The following ZFAT variants were observed in gnomAD, a reference collection of about 807,000 sequenced individuals.
ZFAT encodes the protein zinc finger and AT-hook domain containing.
A neutral mutation model predicts 117.7 loss-of-function variants in ZFAT; 64 were observed. The ratio of observed to expected loss-of-function variants is 0.54; its 90% confidence interval spans 0.44 to 0.67. The LOEUF (loss-of-function observed/expected upper bound fraction) is 0.67. ZFAT is among the 30% of genes least tolerant of loss of function. The probability of loss-of-function intolerance (pLI) is 0.00; values close to 1 mark genes in which losing one functional copy is unlikely to be tolerated. For missense variants in ZFAT, 1,433 were observed against 1,584.5 expected (o/e 0.90, Z 1.62); for synonymous variants, 679 against 615.0 (o/e 1.10, Z -1.54).
chr8:134,639,811 C>A (rs1027341682), intron 2 of ZFAT: 1 of 456,080 alleles, frequency 2.2e-6, no homozygotes, highest in Non-Finnish European at 4.4e-6. Flanking sequence ...AAACAGGGTG[C>A]CTAAGAGTTT....
intron 4 of ZFAT, among the ~76,000 whole-genome samples, chr8:134,609,343 C>CA (rs1828145662): frequency 6.6e-6 from 1 of 152,072 alleles, no homozygotes; most frequent in Non-Finnish European, 1.5e-5. Context: ...AAAATACTAC[C>CA]ACTAATTTTT....
intron 15 of ZFAT, among the ~76,000 whole-genome samples, chr8:134,494,410 C>T (rs368408551): frequency 4.6e-5 from 7 of 152,142 alleles, no homozygotes; most frequent in Non-Finnish European, 7.3e-5. Flanking sequence ...AGGATCGATC[C>T]GCTGCCCTTT....
At chr8:134,650,955 T>C (rs183135463) in intron 2 of ZFAT, among the ~76,000 whole-genome samples, 31 of 152,330 alleles carry the variant, frequency 2.0e-4, no homozygotes, top group African/African-American at 7.2e-4. Context: ...TCATCAAAAA[T>C]GCAAACCAAA....
chr8:134,541,670 T>C (rs1481726589), intron 11 of ZFAT, among the ~76,000 whole-genome samples: 1 of 152,042 alleles, frequency 6.6e-6, no homozygotes, highest in Non-Finnish European at 1.5e-5. Context: ...GGGAAGAGAA[T>C]GGAGAATACC....
chr8:134,700,605 T>C (rs1448289450), intron 1 of ZFAT, among the ~76,000 whole-genome samples: 1 of 152,228 alleles, frequency 6.6e-6, no homozygotes, highest in African/African-American at 2.4e-5. Flanking sequence ...ACTGTCGGAC[T>C]CCGGGCTGTG....
At chr8:134,556,273 G>T (rs1229690469) in intron 11 of ZFAT, among the ~76,000 whole-genome samples, 1 of 152,024 alleles carries the variant, frequency 6.6e-6, no homozygotes, top group African/African-American at 2.4e-5. Flanking sequence ...ATAAAAAGAA[G>T]AATTAAAGGG....
the ZFAT span, among the ~76,000 whole-genome samples, chr8:134,830,924 GA>G: frequency 6.6e-6 from 1 of 152,162 alleles, no homozygotes; most frequent in Admixed American, 6.5e-5. Context: ...CATACATGAT[GA>G]CAGTGTAAAA....
chr8:134,608,147 A>T (rs961583716), intron 5 of ZFAT, among the ~76,000 whole-genome samples: 8 of 152,154 alleles, frequency 5.3e-5, no homozygotes, highest in Admixed American at 5.2e-4. Flanking sequence ...GTAAGCTTTT[A>T]AAAAAAAGTT....
the ZFAT span, among the ~76,000 whole-genome samples, chr8:134,803,997 C>T: frequency 3.3e-5 from 5 of 151,782 alleles, 1 homozygote; most frequent in Admixed American, 3.3e-4. Flanking sequence ...AAGAAAAATG[C>T]CAATAAAATA....
At chr8:134,729,348 T>A in the ZFAT span, among the ~76,000 whole-genome samples, 2 of 152,258 alleles carry the variant, frequency 1.3e-5, no homozygotes, top group African/African-American at 4.8e-5. Context: ...TGTTTTGTTT[T>A]TGAGACGGAG....
chr8:134,491,422 T>C lies in ZFAT; in HGVS notation c.3493-12701A>G, dbSNP rs1205419823. Among the ~76,000 whole-genome samples, 4 of 152,224 alleles carry C rather than the reference T, an allele frequency of 2.6e-5. No individual in the cohort carries two copies. In the East Asian group the frequency reaches 7.7e-4, roughly 29 times the overall value. ...AGGTTTTTATTTCATTTTCTTATTGTTGCTTTAACCAATTACTAGAAATTT... is the reference window on the plus strand; with the variant it reads ...AGGTTTTTATTTCATTTTCTTATTGCTGCTTTAACCAATTACTAGAAATTT... On this transcript the variant is annotated intron_variant, in intron 15 of 15. Coordinates refer to ENST00000377838, the MANE Select transcript of ZFAT (RefSeq NM_020863.4).
intron 13 of ZFAT, among the ~76,000 whole-genome samples, chr8:134,516,188 A>G (rs1820239715): frequency 6.6e-6 from 1 of 152,232 alleles, no homozygotes; most frequent in Admixed American, 6.5e-5. Context: ...TGATTGCATC[A>G]CCATGGAATT....
chr8:134,783,076 TTTG>T, the ZFAT span, among the ~76,000 whole-genome samples: 1 of 152,018 alleles, frequency 6.6e-6, no homozygotes, highest in African/African-American at 2.4e-5. Context: ...TAGTAATTGT[TTTG>T]TTTTTAAGTC....
chr8:134,626,072 G>C (rs1171295782), intron 3 of ZFAT, among the ~76,000 whole-genome samples: 1 of 152,204 alleles, frequency 6.6e-6, no homozygotes, highest in Non-Finnish European at 1.5e-5. Flanking sequence ...TCACAGTTCT[G>C]CTGGGGTGGG....
chr8:134,696,237 G>A (rs1005002565), intron 1 of ZFAT, among the ~76,000 whole-genome samples: 10 of 152,020 alleles, frequency 6.6e-5, no homozygotes, highest in Non-Finnish European at 1.5e-4. Flanking sequence ...AAGCAAGGAG[G>A]CTCCCCAGAC....
intron 1 of ZFAT, among the ~76,000 whole-genome samples, chr8:134,661,233 A>T (rs777473049): frequency 6.6e-5 from 10 of 152,218 alleles, no homozygotes; most frequent in Admixed American, 3.9e-4. Context: ...GGAAACACAC[A>T]GAGTGTCGTG....
At chr8:134,683,248 C>T (rs1046215484) in intron 1 of ZFAT, among the ~76,000 whole-genome samples, 6 of 152,178 alleles carry the variant, frequency 3.9e-5, no homozygotes, top group South Asian at 2.1e-4. Context: ...AGTAGCTCTG[C>T]TAATGTGTCA....
At chr8:134,539,565 C>T (rs545614967) in intron 11 of ZFAT, among the ~76,000 whole-genome samples, 1 of 152,248 alleles carries the variant, frequency 6.6e-6, no homozygotes, top group Admixed American at 6.5e-5. Flanking sequence ...GTTTAACAAC[C>T]TGGCTGATGT....
chr8:134,636,101 C>T (rs1255271798), intron 3 of ZFAT, among the ~76,000 whole-genome samples: 2 of 152,210 alleles, frequency 1.3e-5, no homozygotes, highest in East Asian at 1.9e-4. Context: ...AACCTAGATG[C>T]TCCATAAATA....
Sources: allele counts gnomAD v4.1 joint callset (sites outside exome capture counted in the v4.1 genomes callset), GRCh38; gene constraint gnomAD v4.1.1; transcripts MANE v1.5; gene names NCBI Gene and HGNC (gene_info 2026-07-23, HGNC 2026-07-21).